CPQ: variants seen among roughly 807,000 people sequenced by gnomAD.
The protein encoded by CPQ is carboxypeptidase Q, also known as Ser-Met dipeptidase.
CPQ carries 37 observed loss-of-function variants against 45.7 expected under a neutral mutation model. The observed-to-expected ratio is 0.81, with a 90% confidence interval of 0.62 to 1.07. CPQ has a LOEUF of 1.07. Among genes scored for constraint, CPQ ranks in the 50% least tolerant of loss-of-function variants. The probability of loss-of-function intolerance (pLI) is 0.00; values close to 1 mark genes in which losing one functional copy is unlikely to be tolerated. For missense variants in CPQ, 537 were observed against 572.9 expected (o/e 0.94, Z 0.64); for synonymous variants, 186 against 205.8 (o/e 0.90, Z 0.82).
intron 4 of CPQ, among the ~76,000 whole-genome samples, chr8:96,958,286 T>C (rs918108924): frequency 2.0e-5 from 3 of 152,198 alleles, no homozygotes; most frequent in African/African-American, 4.8e-5. Flanking sequence ...AATATTAACA[T>C]AGAAGTTACC....
chr8:96,805,293 T>C (rs1283091186), intron 2 of CPQ, among the ~76,000 whole-genome samples: 1 of 152,200 alleles, frequency 6.6e-6, no homozygotes, highest in Non-Finnish European at 1.5e-5. Flanking sequence ...TCCCTATGCA[T>C]TTAAATATTT....
intron 6 of CPQ, among the ~76,000 whole-genome samples, chr8:97,035,103 A>G (rs1245477653): frequency 6.6e-6 from 1 of 151,752 alleles, no homozygotes; most frequent in African/African-American, 2.4e-5. Context: ...ATGTTGGTCA[A>G]GATGGTCTCG....
chr8:97,105,945 C>A (rs1235985692), intron 7 of CPQ, among the ~76,000 whole-genome samples: 2 of 152,190 alleles, frequency 1.3e-5, no homozygotes, highest in South Asian at 4.1e-4. Flanking sequence ...TGACCTCAAC[C>A]TCTTCATCTG....
At chr8:96,667,634 C>G (rs1358322821) in intron 1 of CPQ, among the ~76,000 whole-genome samples, 1 of 152,084 alleles carries the variant, frequency 6.6e-6, no homozygotes, top group African/African-American at 2.4e-5. Flanking sequence ...CAGGTGTGAG[C>G]CACCGCACCT....
At chr8:96,998,204 T>C (rs556172027) in intron 5 of CPQ, among the ~76,000 whole-genome samples, 26 of 151,908 alleles carry the variant, frequency 1.7e-4, no homozygotes, top group Non-Finnish European at 2.9e-4. Flanking sequence ...GTGAATAACA[T>C]CCACTAAAAA....
intron 4 of CPQ, among the ~76,000 whole-genome samples, chr8:96,956,976 T>C (rs10099706): frequency 0.077 from 11,692 of 152,296 alleles, 855 homozygotes; most frequent in African/African-American, 0.19. Flanking sequence ...AGTTGGCTCC[T>C]TGACACTCTG....
chr8:97,069,171 G>A (rs1810692750), intron 7 of CPQ, among the ~76,000 whole-genome samples: 1 of 152,184 alleles, frequency 6.6e-6, no homozygotes, highest in African/African-American at 2.4e-5. Context: ...GACTCTAAAT[G>A]TTTCCTTGAA....
chr8:96,852,556 C>T (rs1811784952), intron 3 of CPQ, among the ~76,000 whole-genome samples: 1 of 152,166 alleles, frequency 6.6e-6, no homozygotes, highest in Non-Finnish European at 1.5e-5. Flanking sequence ...CGCCCTCTTC[C>T]TTGCTCCTGC....
chr8:97,139,504 A>G (rs940382168), intron 7 of CPQ, among the ~76,000 whole-genome samples: 1 of 152,180 alleles, frequency 6.6e-6, no homozygotes, highest in Admixed American at 6.5e-5. Context: ...TAGGCCATAG[A>G]GCAAACATCA....
intron 7 of CPQ, among the ~76,000 whole-genome samples, chr8:97,130,469 A>G (rs1440463412): frequency 8.0e-6 from 1 of 125,030 alleles, no homozygotes; most frequent in African/African-American, 3.0e-5. Flanking sequence ...ATTGCAGTTT[A>G]TCTCACCAGA....
At chr8:96,662,537 T>A (rs150528952) in intron 1 of CPQ, among the ~76,000 whole-genome samples, 6 of 152,214 alleles carry the variant, frequency 3.9e-5, no homozygotes, top group Non-Finnish European at 8.8e-5. Flanking sequence ...GCTGGCATAA[T>A]TAGGTAGACT....
At chr8:96,745,045 C>G (rs898307921) in intron 1 of CPQ, among the ~76,000 whole-genome samples, 4 of 152,210 alleles carry the variant, frequency 2.6e-5, no homozygotes, top group Non-Finnish European at 5.9e-5. Flanking sequence ...TGCAGTGGCT[C>G]ACGCCTGTAA....
Position 96,917,665 on chromosome 8 carries a change from A to G in CPQ, c.849+37660A>G, listed in dbSNP as rs149591527. ...CTTCTAGGTCTTCTCAGCTGAAAGA[A>G]CAAGAAGATGTATGTGTGTATACTA... On this transcript the variant is annotated intron_variant, in intron 4 of 7. Transcript: ENST00000220763. 4.4e-3 allele frequency among the ~76,000 whole-genome samples: 670 copies of G among 152,294 alleles called. 2 individuals carry two copies. The highest frequency in any genetic ancestry group is 5.8e-3 in the Admixed American group (88 of 15,276).
chr8:97,128,600 G>A (rs1405849841), intron 7 of CPQ, among the ~76,000 whole-genome samples: 9 of 152,226 alleles, frequency 5.9e-5, no homozygotes, highest in Admixed American at 3.9e-4. Flanking sequence ...CAGGAGAATC[G>A]CTTGAACCTG....
intron 3 of CPQ, among the ~76,000 whole-genome samples, chr8:96,854,415 C>T (rs964974078): frequency 3.0e-4 from 44 of 148,578 alleles, no homozygotes; most frequent in African/African-American, 1.0e-3. Context: ...CCTGTAGTCC[C>T]AGCTACTTGG....
chr8:97,124,676 G>C (rs1443173271), intron 7 of CPQ, among the ~76,000 whole-genome samples: 2 of 152,028 alleles, frequency 1.3e-5, no homozygotes, highest in African/African-American at 2.4e-5. Context: ...TTCTAAATAA[G>C]CCATAGATCA....
intron 4 of CPQ, among the ~76,000 whole-genome samples, chr8:96,957,438 C>A (rs1180303712): frequency 6.6e-6 from 1 of 152,114 alleles, no homozygotes; most frequent in African/African-American, 2.4e-5. Flanking sequence ...GTAGGAAGCA[C>A]CTTGACTCCC....
intron 7 of CPQ, among the ~76,000 whole-genome samples, chr8:97,129,164 A>G (rs1811895611): frequency 6.6e-6 from 1 of 152,206 alleles, no homozygotes; most frequent in Non-Finnish European, 1.5e-5. Context: ...GCACAGATTC[A>G]TATGAGAAGT....
intron 1 of CPQ, among the ~76,000 whole-genome samples, chr8:96,778,679 A>G (rs1420649918): frequency 6.6e-6 from 1 of 152,198 alleles, no homozygotes; most frequent in Non-Finnish European, 1.5e-5. Flanking sequence ...TATTTAGAAT[A>G]ACACTCAGTT....
Sources: allele counts gnomAD v4.1 joint callset (sites outside exome capture counted in the v4.1 genomes callset), GRCh38; gene constraint gnomAD v4.1.1; transcripts MANE v1.5; gene names NCBI Gene and HGNC (gene_info 2026-07-23, HGNC 2026-07-21).